The following MAST4 variants were observed in gnomAD, a reference collection of about 807,000 sequenced individuals.
MAST4 encodes the protein microtubule-associated serine/threonine-protein kinase 4.
Under a neutral mutation model 162.7 loss-of-function variants are expected in MAST4, and 89 were observed. That is an observed-to-expected ratio of 0.55 (90% confidence interval 0.46 to 0.65). The LOEUF is 0.65. Ranked by LOEUF, MAST4 falls within the 30% of genes least tolerant of loss-of-function variation. The probability of loss-of-function intolerance (pLI) is 0.00; values close to 1 mark genes in which losing one functional copy is unlikely to be tolerated. For missense variants in MAST4, 3,153 were observed against 3,374.0 expected, an observed-to-expected ratio of 0.93 and a Z score of 1.62; for synonymous variants, 1,479 against 1,361.1, an observed-to-expected ratio of 1.09 and a Z score of -1.91.
intron 4 of MAST4, among the ~76,000 whole-genome samples, chr5:66,925,945 T>A (rs1045257127): frequency 6.7e-6 from 1 of 149,130 alleles, no homozygotes; most frequent in African/African-American, 2.4e-5. Flanking sequence ...CTAGTACAAT[T>A]TTTTTTTTTT....
chr5:67,082,185 T>C (rs1762740258), intron 5 of MAST4, among the ~76,000 whole-genome samples: 1 of 146,364 alleles, frequency 6.8e-6, no homozygotes, highest in East Asian at 2.0e-4. Flanking sequence ...AGTCTCACTC[T>C]GTCGTCAGGC....
chr5:66,677,080 A>G (rs1355929074), intron 1 of MAST4, among the ~76,000 whole-genome samples: 1 of 152,218 alleles, frequency 6.6e-6, no homozygotes, highest in Non-Finnish European at 1.5e-5. Context: ...GCCTCCTGCA[A>G]CCATTATTGC....
intron 1 of MAST4, among the ~76,000 whole-genome samples, chr5:66,676,805 G>T (rs564724001): frequency 1.0e-3 from 156 of 152,310 alleles, no homozygotes; most frequent in African/African-American, 3.6e-3. Flanking sequence ...ACTGATCAAG[G>T]AAATTCTAAA....
Position 66,733,430 on chromosome 5 carries a change from T to C in MAST4, c.364-26279T>C, listed in dbSNP as rs555044553. On this transcript the variant is annotated intron_variant, in intron 1 of 28. Transcript: ENST00000403625. The stretch of plus-strand genomic sequence containing the variant: ...CAGAAATTCATCTTATAGATATCTT[T>C]CATTCTGTAGGTTGGAACCCATGAA... Among the ~76,000 whole-genome samples, 6 of 152,272 alleles carry C rather than the reference T, an allele frequency of 3.9e-5. No individual in the cohort carries two copies. The East Asian group carries it at 1.2e-3, about 29-fold the overall frequency.
chr5:67,034,262 A>G (rs1311336886), intron 4 of MAST4, among the ~76,000 whole-genome samples: 3 of 152,174 alleles, frequency 2.0e-5, no homozygotes, highest in Non-Finnish European at 4.4e-5. Flanking sequence ...AACTCCTGAC[A>G]TAATTGAAAT....
chr5:66,638,282 A>G (rs1416986324), intron 1 of MAST4, among the ~76,000 whole-genome samples: 1 of 152,156 alleles, frequency 6.6e-6, no homozygotes, highest in African/African-American at 2.4e-5. Context: ...GGCAAAATGC[A>G]GACGCATGGT....
chr5:67,037,699 A>G (rs1756194543), intron 4 of MAST4, among the ~76,000 whole-genome samples: 1 of 152,186 alleles, frequency 6.6e-6, no homozygotes, highest in African/African-American at 2.4e-5. Flanking sequence ...AGAGTAGAAA[A>G]CTAATCAATG....
chr5:67,164,694 G>A lies in MAST4; in HGVS notation c.5515G>A (p.Val1839Met). The A allele has an allele frequency of 6.2e-7, 1 of 1,613,978 alleles. No homozygotes were observed. The highest frequency in any genetic ancestry group is 1.1e-5 in the South Asian group (1 of 91,078). Reference sequence around the variant, plus strand: ...CCCAAGTGGTGACGTGAGGGCCTCTGTGCCACCAGTTCTCCCCAGCAGCAG... The same window carrying A: ...CCCAAGTGGTGACGTGAGGGCCTCTATGCCACCAGTTCTCCCCAGCAGCAG... ...PSPSGDVRAS[V>M]PPVLPSSSGK... is the part of the protein sequence containing the mutation. The change falls in exon 29 of 29, where the codon GTG becomes ATG. Residue 1839 changes from valine (V) to methionine (M), a missense_variant. Val to Met is a conservative substitution (Grantham distance 21). Around this residue, in one of 7 missense-constraint regions of MAST4, gnomAD observed 1,644 missense variants for 1,495.0 expected, o/e 1.10. Coordinates refer to ENST00000403625, the MANE Select transcript of MAST4 (RefSeq NM_001164664.2). The surrounding 1 kb of genome is among the most constrained non-coding windows in gnomAD (Gnocchi z 5.3).
Position 67,145,335 on chromosome 5 carries a change from A to T in MAST4, c.3050A>T (p.Glu1017Val). The T allele has an allele frequency of 2.5e-6, 4 of 1,613,368 alleles. No individual in the cohort carries two copies. Among genetic ancestry groups the T allele is most frequent in the Non-Finnish European group, 2.5e-6 (3 of 1,179,884 alleles). ...PPEECAQEEP[E>V]VTTPASTISS... ...GAAGAGTGTGCCCAGGAGGAGCCTG[A>T]GGTCACCACCCCAGCCAGCACCATC... is the stretch of plus-strand genomic sequence containing the variant. Residue 1017 changes from glutamate (E) to valine (V), a missense_variant, in exon 23 of 29, where the codon GAG becomes GTG. Physicochemically the swap from Glu to Val is moderately radical, Grantham distance 121. This residue lies in a region of MAST4 where 619 missense variants were observed against 744.2 expected (regional missense o/e 0.83). Coordinates refer to ENST00000403625, the MANE Select transcript of MAST4 (RefSeq NM_001164664.2).
chr5:67,021,097 TCTTTC>T (rs1753917481), intron 4 of MAST4, among the ~76,000 whole-genome samples: 1 of 152,236 alleles, frequency 6.6e-6, no homozygotes, highest in Admixed American at 6.5e-5. Context: ...TGAAGTTCAG[TCTTTC>T]CTTTAGGCAC....
At position 66,786,789 on chromosome 5, in the gene MAST4, G is replaced by A. The variant is rs527669186; in HGVS notation, c.518-1881G>A. The stretch of plus-strand genomic sequence containing the variant: ...TGCAACATACCTTGCCCAAAAATAT[G>A]TCTGAATGTTTTTGAGATGGTGATC... On this transcript the variant is annotated intron_variant, in intron 2 of 28. Coordinates refer to ENST00000403625, the MANE Select transcript of MAST4 (RefSeq NM_001164664.2). 2.8e-3 allele frequency among the ~76,000 whole-genome samples: 429 copies of A among 152,276 alleles called. 1 individual carries two copies. The highest frequency in any genetic ancestry group is 9.6e-3 in the African/African-American group (400 of 41,550).
intron 3 of MAST4, among the ~76,000 whole-genome samples, chr5:66,849,919 G>A (rs1009102347): frequency 1.3e-5 from 2 of 152,144 alleles, no homozygotes; most frequent in Non-Finnish European, 2.9e-5. Context: ...ACTCTCTCAA[G>A]GTCTGCTTAG....
At chr5:66,926,220 TA>T (rs1208883143) in intron 4 of MAST4, among the ~76,000 whole-genome samples, 4 of 152,078 alleles carry the variant, frequency 2.6e-5, no homozygotes, top group Non-Finnish European at 5.9e-5. Context: ...ATAATACAAG[TA>T]AAAAATAGAT....
At chr5:67,162,364 A>G (rs192146029) in intron 27 of MAST4, among the ~76,000 whole-genome samples, 3 of 152,088 alleles carry the variant, frequency 2.0e-5, no homozygotes, top group African/African-American at 7.2e-5. Context: ...TATTTTTCCT[A>G]TTTTTCCAAC....
intron 1 of MAST4, among the ~76,000 whole-genome samples, chr5:66,722,705 C>T (rs1751292881): frequency 6.6e-6 from 1 of 152,204 alleles, no homozygotes; most frequent in Non-Finnish European, 1.5e-5. Context: ...CAGCTCATAA[C>T]ATTTTATATC....
chr5:66,713,518 A>G (rs1750625778), intron 1 of MAST4, among the ~76,000 whole-genome samples: 1 of 152,246 alleles, frequency 6.6e-6, no homozygotes, highest in Non-Finnish European at 1.5e-5. Flanking sequence ...CTCAAATATT[A>G]GGAAATACAT....
chr5:66,905,352 C>T (rs1194266010), intron 4 of MAST4, among the ~76,000 whole-genome samples: 3 of 150,406 alleles, frequency 2.0e-5, no homozygotes, highest in African/African-American at 7.4e-5. Flanking sequence ...AGCAGGAACC[C>T]AAGGCAGAAG....
intron 3 of MAST4, among the ~76,000 whole-genome samples, chr5:66,807,265 G>C (rs1278363946): frequency 1.3e-5 from 2 of 152,184 alleles, no homozygotes; most frequent in African/African-American, 2.4e-5. Flanking sequence ...GGGAGGCCGA[G>C]GCGGGTGGAT....
rs529717590 is a variant in MAST4 at position 66,638,706 on chromosome 5, A to C, written c.363+41688A>C. On this transcript the variant is annotated intron_variant, in intron 1 of 28. Transcript: ENST00000403625. ...CACTCTCCCAGCCATCTCTGTGGAC[A>C]GTTGCATCACCATCATTCCTGACTC... Among the ~76,000 whole-genome samples the C allele has an allele frequency of 3.3e-5, 5 of 152,322 alleles. No individual in the cohort carries two copies. The East Asian group carries it at 9.6e-4, about 29-fold the overall frequency.
Sources: allele counts gnomAD v4.1 joint callset (sites outside exome capture counted in the v4.1 genomes callset), GRCh38; gene constraint gnomAD v4.1.1; regional missense constraint gnomAD v4.1.1; non-coding constraint Gnocchi (gnomAD v3.1); transcripts MANE v1.5; gene names NCBI Gene and HGNC (gene_info 2026-07-23, HGNC 2026-07-21).